FOXK1: variants seen among roughly 807,000 people sequenced by gnomAD.
FOXK1 encodes the protein forkhead box K1.
In FOXK1, 19 loss-of-function variants were observed where a neutral mutation model predicts 51.9. That is an observed-to-expected ratio of 0.37 (90% CI 0.26 to 0.54). FOXK1 has a LOEUF of 0.54. Ranked by LOEUF, FOXK1 falls within the 20% of genes least tolerant of loss-of-function variation. FOXK1 has a pLI of 0.87. For missense variants in FOXK1, 870 were observed against 1,032.7 expected (o/e 0.84, Z 2.16); for synonymous variants, 537 against 482.6 (o/e 1.11, Z -1.48).
At chr7:4,693,815 C>A (rs1583181536) in intron 1 of FOXK1, among the ~76,000 whole-genome samples, 2 of 152,130 alleles carry the variant, frequency 1.3e-5, no homozygotes, top group African/African-American at 4.8e-5. Context: ...GATCCTCTAG[C>A]CTCTGCCTCC....
chr7:4,725,214 C>T (rs953505782), intron 1 of FOXK1, among the ~76,000 whole-genome samples: 2 of 152,232 alleles, frequency 1.3e-5, no homozygotes, highest in Non-Finnish European at 2.9e-5. Context: ...GGGGGTAGAT[C>T]GGAGCTGCCT....
At position 4,711,705 on chromosome 7, in the gene FOXK1, G is replaced by GT. The variant is rs1378345044; in HGVS notation, c.560+28838dup. ...ATAAGGGGTGGGCAGTGGTGCTGCC[G>GT]TGTCTTGTCAGGAGGCCAGCTCTGT... is the stretch of plus-strand genomic sequence containing the variant. On this transcript the variant is annotated intron_variant, in intron 1 of 8. Coordinates refer to ENST00000328914, the MANE Select transcript of FOXK1 (RefSeq NM_001037165.2). The surrounding 1 kb of genome is among the most constrained non-coding windows in gnomAD (Gnocchi z 6.3). Among the ~76,000 whole-genome samples, 1 of 152,238 alleles carries GT rather than the reference G, an allele frequency of 6.6e-6. No homozygotes were observed. Among genetic ancestry groups the GT allele is most frequent in the African/African-American group, 2.4e-5 (1 of 41,466 alleles).
intron 1 of FOXK1, among the ~76,000 whole-genome samples, chr7:4,695,818 C>A (rs901783733): frequency 6.6e-6 from 1 of 152,142 alleles, no homozygotes; most frequent in Non-Finnish European, 1.5e-5. Context: ...TGCCTGTAAT[C>A]CCAGCTACTT....
chr7:4,696,984 C>T (rs527314080), intron 1 of FOXK1, among the ~76,000 whole-genome samples: 82 of 152,316 alleles, frequency 5.4e-4, no homozygotes, highest in African/African-American at 1.9e-3. Flanking sequence ...AGGAGAATCC[C>T]TTGAACCCGG....
chr7:4,713,205 C>T (rs933781734), intron 1 of FOXK1, among the ~76,000 whole-genome samples: 11 of 152,138 alleles, frequency 7.2e-5, no homozygotes, highest in African/African-American at 2.7e-4. Flanking sequence ...TGGTCACAGC[C>T]CATTGTGTAA....
intron 1 of FOXK1, 149 bp from the exon 2 acceptor site, chr7:4,740,689 C>A: frequency 1.4e-6 from 1 of 689,678 alleles, no homozygotes; most frequent in Non-Finnish European, 2.4e-6. Context: ...CCTAAGTGTC[C>A]TGATAAAAGC....
intron 1 of FOXK1, among the ~76,000 whole-genome samples, chr7:4,684,166 A>G (rs1779790197): frequency 6.6e-6 from 1 of 152,158 alleles, no homozygotes; most frequent in African/African-American, 2.4e-5. Context: ...AAGCCTGTTT[A>G]ATTACTCATT....
At position 4,748,871 on chromosome 7, in the gene FOXK1, G is replaced by A. The variant is rs1435997186; in HGVS notation, c.747-5588G>A. Among the ~76,000 whole-genome samples the A allele has an allele frequency of 2.0e-5, 3 of 152,252 alleles. No individual in the cohort carries two copies. Among genetic ancestry groups the A allele is most frequent in the East Asian group, 3.9e-4 (2 of 5,182 alleles). Reference sequence around the variant, plus strand: ...TTTTTGTATTTTTTGTAGAGGTGGGGTCTCCCCATGTTGCCCAGGCTGGTC... The same window carrying A: ...TTTTTGTATTTTTTGTAGAGGTGGGATCTCCCCATGTTGCCCAGGCTGGTC... On this transcript the variant is annotated intron_variant, in intron 2 of 8. Coordinates refer to ENST00000328914, the MANE Select transcript of FOXK1 (RefSeq NM_001037165.2). This position sits in a 1 kb window ranked among gnomAD's most constrained non-coding sequence, Gnocchi z 4.9.
chr7:4,756,367 C>T lies in FOXK1; in HGVS notation c.1051-627C>T, dbSNP rs116582946. ...TGACCTCAGGTAATCCTGCCAGCCT[C>T]GGCTTCCCAAAGTGCTGGGATTACA... is the stretch of plus-strand genomic sequence containing the variant. On this transcript the variant is annotated intron_variant, in intron 4 of 8. Transcript: ENST00000328914. The surrounding 1 kb of genome is among the most constrained non-coding windows in gnomAD (Gnocchi z 4.1). Among the ~76,000 whole-genome samples, 3,139 of 152,088 alleles carry T rather than the reference C, an allele frequency of 0.021. 102 individuals carry two copies. Among genetic ancestry groups the T allele is most frequent in the African/African-American group, 0.072 (2,968 of 41,494 alleles).
rs1338811361 is a variant in FOXK1, at chr7:4,722,605, C to T, written c.561-18233C>T. On this transcript the variant is annotated intron_variant, in intron 1 of 8. Coordinates refer to ENST00000328914, the MANE Select transcript of FOXK1 (RefSeq NM_001037165.2). The surrounding 1 kb of genome is among the most constrained non-coding windows in gnomAD (Gnocchi z 5.1). ...CTCGTATACAACGGGCACACATGCA[C>T]GTCAGCCGCACACTCATGCACGTTC... 6.6e-6 allele frequency among the ~76,000 whole-genome samples: 1 copy of T among 152,260 alleles called. No individual in the cohort carries two copies. The highest frequency in any genetic ancestry group is 1.5e-5 in the Non-Finnish European group (1 of 68,050).
At chr7:4,695,656 G>C (rs1779942093) in intron 1 of FOXK1, among the ~76,000 whole-genome samples, 1 of 152,212 alleles carries the variant, frequency 6.6e-6, no homozygotes, top group Non-Finnish European at 1.5e-5. Flanking sequence ...ACAAAAATTA[G>C]CCAGGCGTGG....
At chr7:4,759,641 G>A in intron 7 of FOXK1, 46 bp downstream of exon 7, 2 of 1,501,334 alleles carry the variant, frequency 1.3e-6, no homozygotes, top group Non-Finnish European at 1.8e-6. Flanking sequence ...CTTTGTGGTG[G>A]TCCCGGCCGG....
chr7:4,736,813 G>C (rs1031421236), intron 1 of FOXK1, among the ~76,000 whole-genome samples: 2 of 152,238 alleles, frequency 1.3e-5, no homozygotes, highest in Non-Finnish European at 2.9e-5. Context: ...AGAGAGGTTA[G>C]GGTGAGTGGT....
At chr7:4,720,695 G>T (rs1240485935) in intron 1 of FOXK1, among the ~76,000 whole-genome samples, 2 of 147,604 alleles carry the variant, frequency 1.4e-5, no homozygotes, top group Non-Finnish European at 3.1e-5. Context: ...TATGCTGCGT[G>T]CCTAGCTTTT....
chr7:4,705,552 T>TCTCTCTCTCTCGCTCTCGCTCTCG (rs1780076728), intron 1 of FOXK1, among the ~76,000 whole-genome samples: 1 of 143,580 alleles, frequency 7.0e-6, no homozygotes, highest in African/African-American at 2.7e-5. Context: ...TCTCTCTCTC[T>TCTCTCTCTCTCGCTCTCGCTCTCG]CTCTCTCGCT....
intron 1 of FOXK1, among the ~76,000 whole-genome samples, chr7:4,737,896 G>A (rs1444418367): frequency 6.6e-6 from 1 of 152,170 alleles, no homozygotes; most frequent in African/African-American, 2.4e-5. Flanking sequence ...GCCAGGGCAG[G>A]AGGATCACCT....
chr7:4,714,376 T>G (rs954635942), intron 1 of FOXK1, among the ~76,000 whole-genome samples: 5 of 152,002 alleles, frequency 3.3e-5, no homozygotes, highest in Non-Finnish European at 7.4e-5. Context: ...CTTCTGGGGT[T>G]CAAGTGATTC....
Position 4,761,026 on chromosome 7 carries a change from TG to T in FOXK1, c.1697-36del. On this transcript the variant is annotated intron_variant, in intron 7 of 8. Coordinates refer to ENST00000328914, the MANE Select transcript of FOXK1 (RefSeq NM_001037165.2). This position sits in a 1 kb window ranked among gnomAD's most constrained non-coding sequence, Gnocchi z 6.2. ...GCGTCGAGGAAATCGATTGTCTCGT[TG>T]GCCGAGTGTGGTGCTGACTTGGTTC... 1 of 1,579,134 alleles carries T rather than the reference TG, an allele frequency of 6.3e-7. No individual in the cohort carries two copies. Among genetic ancestry groups the T allele is most frequent in the South Asian group, 1.1e-5 (1 of 90,344 alleles).
At chr7:4,697,764 T>C (rs1044186832) in intron 1 of FOXK1, among the ~76,000 whole-genome samples, 1 of 151,496 alleles carries the variant, frequency 6.6e-6, no homozygotes, top group African/African-American at 2.4e-5. Context: ...TGTGTGTGTG[T>C]GTGTGTGTGT....
Sources: gnomAD v4.1 joint callset for allele counts (sites outside exome capture counted in the v4.1 genomes callset) on GRCh38, gnomAD v4.1.1 for gene constraint, Gnocchi (gnomAD v3.1) non-coding constraint, MANE v1.5 for transcripts, NCBI Gene and HGNC (gene_info 2026-07-23, HGNC 2026-07-21) for gene names.